Variants in PSD3 observed in about 807,000 individuals in gnomAD.
PSD3 encodes the protein PH and SEC7 domain-containing protein 3.
In PSD3, 49 loss-of-function variants were observed where a neutral mutation model predicts 105.5. That is an observed-to-expected ratio of 0.46 (90% confidence interval 0.37 to 0.59). The LOEUF (loss-of-function observed/expected upper bound fraction) is 0.59. Among genes scored for constraint, PSD3 ranks in the 20% least tolerant of loss-of-function variants. PSD3 has a pLI of 0.00. For synonymous variants in PSD3, 557 were observed against 457.8 expected (o/e 1.22, Z -2.77); for missense variants, 1,561 against 1,263.8 (o/e 1.24, Z -3.57).
intron 4 of PSD3, among the ~76,000 whole-genome samples, chr8:18,856,907 T>C (rs1563350568): frequency 1.3e-5 from 2 of 152,212 alleles, no homozygotes; most frequent in Admixed American, 6.5e-5. Context: ...CAGTAAATGA[T>C]TACTGATTAT....
chr8:18,761,221 G>A (rs1017752706), intron 9 of PSD3, among the ~76,000 whole-genome samples: 6 of 152,248 alleles, frequency 3.9e-5, no homozygotes, highest in East Asian at 3.9e-4. Flanking sequence ...TTCAGTCAAC[G>A]TCACAGGTGC....
At chr8:19,039,690 C>T (rs530641503) in intron 1 of PSD3, among the ~76,000 whole-genome samples, 2 of 152,324 alleles carry the variant, frequency 1.3e-5, no homozygotes, top group South Asian at 2.1e-4. Context: ...TGAAGTCTTA[C>T]ATTCATCTCT....
chr8:18,567,161 C>A (rs1001264216), intron 14 of PSD3, among the ~76,000 whole-genome samples: 36 of 152,284 alleles, frequency 2.4e-4, no homozygotes, highest in African/African-American at 8.7e-4. Context: ...CTCACCTTCT[C>A]CCCTGGATCT....
At chr8:19,050,936 C>T (rs181285818) in intron 1 of PSD3, among the ~76,000 whole-genome samples, 3 of 152,294 alleles carry the variant, frequency 2.0e-5, no homozygotes, top group East Asian at 3.9e-4. Flanking sequence ...GTCATGGTGT[C>T]CTGAGGCAGA....
intron 9 of PSD3, among the ~76,000 whole-genome samples, chr8:18,701,042 C>A (rs77481774): frequency 2.0e-5 from 3 of 152,066 alleles, no homozygotes; most frequent in East Asian, 3.9e-4. Context: ...TCATGGCTCA[C>A]TGTAGCCTCA....
chr8:18,610,985 G>C (rs1178515859), intron 11 of PSD3, among the ~76,000 whole-genome samples: 1 of 152,116 alleles, frequency 6.6e-6, no homozygotes, highest in Non-Finnish European at 1.5e-5. Context: ...TTATAATGTT[G>C]TTGAGTTAAT....
At chr8:18,559,780 T>C (rs1235529555) in intron 14 of PSD3, among the ~76,000 whole-genome samples, 1 of 152,172 alleles carries the variant, frequency 6.6e-6, no homozygotes, top group African/African-American at 2.4e-5. Flanking sequence ...TAATGAGGAA[T>C]ACAGGCTAGA....
intron 1 of PSD3, among the ~76,000 whole-genome samples, chr8:19,006,713 G>C (rs139947913): frequency 2.0e-5 from 3 of 151,924 alleles, no homozygotes; most frequent in Admixed American, 1.3e-4. Context: ...CACTGGACAC[G>C]GGCACCTTCA....
chr8:18,952,717 A>C (rs1042155823), intron 1 of PSD3, among the ~76,000 whole-genome samples: 5 of 152,244 alleles, frequency 3.3e-5, no homozygotes, highest in Non-Finnish European at 7.3e-5. Context: ...AGAGTGGCCA[A>C]AGCATACATG....
chr8:18,828,133 G>T (rs1263935653), intron 4 of PSD3, among the ~76,000 whole-genome samples: 2 of 146,448 alleles, frequency 1.4e-5, no homozygotes, highest in African/African-American at 5.1e-5. Context: ...ATTAAAAGTT[G>T]CAGGCAGCAG....
At chr8:19,082,871 T>C (rs1348088987) in intron 1 of PSD3, among the ~76,000 whole-genome samples, 1 of 152,206 alleles carries the variant, frequency 6.6e-6, no homozygotes, top group Non-Finnish European at 1.5e-5. Flanking sequence ...AACTATTTCT[T>C]AAGGAAGCAT....
intron 1 of PSD3, among the ~76,000 whole-genome samples, chr8:19,024,900 TA>T (rs770488255): frequency 1.1e-3 from 161 of 152,226 alleles, no homozygotes; most frequent in Non-Finnish European, 1.8e-3. Context: ...GCTTTTATAA[TA>T]AACCAGTAAA....
At chr8:18,836,379 T>C (rs956139339) in intron 4 of PSD3, among the ~76,000 whole-genome samples, 10 of 152,236 alleles carry the variant, frequency 6.6e-5, no homozygotes, top group Non-Finnish European at 1.3e-4. Flanking sequence ...CTTTACACCA[T>C]AGAATACCAA....
At chr8:18,940,831 C>G (rs1402316742) in intron 1 of PSD3, among the ~76,000 whole-genome samples, 1 of 152,168 alleles carries the variant, frequency 6.6e-6, no homozygotes, top group Non-Finnish European at 1.5e-5. Context: ...ATCCGTCTTG[C>G]AGTTGCCAAA....
chr8:18,735,290 G>C (rs909544355), intron 9 of PSD3, among the ~76,000 whole-genome samples: 2 of 152,028 alleles, frequency 1.3e-5, no homozygotes, highest in African/African-American at 2.4e-5. Flanking sequence ...AAAAACAAGA[G>C]ATGAAAAAAA....
chr8:18,539,528 G>C (rs573819554), intron 15 of PSD3, among the ~76,000 whole-genome samples: 51 of 151,342 alleles, frequency 3.4e-4, no homozygotes, highest in Admixed American at 1.4e-3. Context: ...GGAGCAGCAA[G>C]AAGTATATTA....
At chr8:18,632,493 A>C (rs1585443756) in intron 11 of PSD3, 120 bp downstream of exon 11, 1 of 1,100,552 alleles carries the variant, frequency 9.1e-7, no homozygotes, top group East Asian at 2.6e-5. Flanking sequence ...ATCCAATTTC[A>C]AGAATGTGTC....
At chr8:18,959,130 A>T (rs779023224) in intron 1 of PSD3, among the ~76,000 whole-genome samples, 1 of 152,146 alleles carries the variant, frequency 6.6e-6, no homozygotes, top group Non-Finnish European at 1.5e-5. Context: ...CACGTTGGCC[A>T]GGCTGGTCTC....
chr8:18,790,676 G>A (rs368891137), intron 8 of PSD3, among the ~76,000 whole-genome samples: 9 of 152,078 alleles, frequency 5.9e-5, no homozygotes, highest in African/African-American at 1.9e-4. Flanking sequence ...TTATTGTGGA[G>A]ACAGAAAGAG....
Sources: gnomAD v4.1 joint callset for allele counts (sites outside exome capture counted in the v4.1 genomes callset) on GRCh38, gnomAD v4.1.1 for gene constraint, MANE v1.5 for transcripts, NCBI Gene and HGNC (gene_info 2026-07-23, HGNC 2026-07-21) for gene names.